The following SPATC1 variants were observed in gnomAD, a reference collection of about 807,000 sequenced individuals.
SPATC1 encodes spermatogenesis and centriole associated 1, also known as speriolin.
A neutral mutation model predicts 36.5 loss-of-function variants in SPATC1; 35 were observed. The observed-to-expected ratio is 0.96, with a 90% confidence interval of 0.73 to 1.27. The LOEUF (loss-of-function observed/expected upper bound fraction) is 1.27, where lower values mean the gene tolerates loss of function less well. Ranked by LOEUF, SPATC1 falls within the 50% of genes most tolerant of loss-of-function variation. The pLI is 0.00. For synonymous variants in SPATC1, 361 were observed against 353.6 expected (o/e 1.02, Z -0.24); for missense variants, 779 against 796.0 (o/e 0.98, Z 0.26).
chr8:144,038,559 C>T (rs1456987212), intron 1 of SPATC1, among the ~76,000 whole-genome samples: 1 of 151,998 alleles, frequency 6.6e-6, no homozygotes, highest in Admixed American at 6.6e-5. Flanking sequence ...ACTGCAGCCT[C>T]AACCTCCCGG....
chr8:144,043,923 A>G (rs2129677759), intron 4 of SPATC1, among the ~76,000 whole-genome samples: 1 of 152,262 alleles, frequency 6.6e-6, no homozygotes, highest in Admixed American at 6.5e-5. Flanking sequence ...CGGTGTGGAC[A>G]CGGTCACGTG....
chr8:144,045,784 T>C lies in SPATC1; in HGVS notation c.1447-843T>C, dbSNP rs1554756672. ...TGCAAAATGAAAATAATTCAAAACT[T>C]AGAACTTCAGGATGGTGCCAACAGC... On this transcript the variant is annotated intron_variant, in intron 4 of 4. Transcript: ENST00000377470. This position sits in a 1 kb window ranked among gnomAD's most constrained non-coding sequence, Gnocchi z 5.2. Among the ~76,000 whole-genome samples, 1 of 152,138 alleles carries C rather than the reference T, an allele frequency of 6.6e-6. No individual in the cohort carries two copies. Among genetic ancestry groups the C allele is most frequent in the African/African-American group, 2.4e-5 (1 of 41,434 alleles).
Position 144,040,807 on chromosome 8 carries a change from G to A in SPATC1, c.1006G>A (p.Ala336Thr). ...PTTSPTVTVL[A>T]SAPALAPQVA... is the part of the protein sequence containing the mutation. Reference sequence around the variant, plus strand: ...CACCTCCCCCACGGTCACCGTCCTTGCCTCTGCCCCCGCCCTTGCCCCCCA... The same window carrying A: ...CACCTCCCCCACGGTCACCGTCCTTACCTCTGCCCCCGCCCTTGCCCCCCA... The change falls in exon 3 of 5, where the codon GCC becomes ACC. Residue 336 changes from alanine (A) to threonine (T), a missense_variant. Physicochemically the swap from Ala to Thr is moderately conservative, Grantham distance 58. Coordinates refer to ENST00000377470, the MANE Select transcript of SPATC1 (RefSeq NM_198572.3). The A allele has an allele frequency of 6.8e-7, 1 of 1,477,286 alleles. No individual in the cohort carries two copies. Among genetic ancestry groups the A allele is most frequent in the African/African-American group, 1.8e-5 (1 of 56,056 alleles). The allele number at this position is 1,477,286 out of a possible 1,614,324, so 91.5% of individuals were successfully genotyped here.
At chr8:144,014,296 A>G (rs1175258739) in intron 1 of SPATC1, among the ~76,000 whole-genome samples, 1 of 150,682 alleles carries the variant, frequency 6.6e-6, no homozygotes, top group Non-Finnish European at 1.5e-5. Context: ...AGAGGAAGGA[A>G]GGAAGGATGG....
chr8:144,030,268 A>G (rs1489814801), intron 1 of SPATC1, among the ~76,000 whole-genome samples: 1 of 152,182 alleles, frequency 6.6e-6, no homozygotes, highest in Non-Finnish European at 1.5e-5. Flanking sequence ...CATTCTGCCA[A>G]TCTCTTACCT....
At chr8:144,015,299 C>T (rs1834362211) in intron 1 of SPATC1, among the ~76,000 whole-genome samples, 1 of 151,594 alleles carries the variant, frequency 6.6e-6, no homozygotes, top group African/African-American at 2.4e-5. Context: ...AATCTGTCCG[C>T]CTCAGCCTCA....
chr8:144,045,840 CT>C lies in SPATC1; in HGVS notation c.1447-786del, dbSNP rs1835244876. 2.6e-5 allele frequency among the ~76,000 whole-genome samples: 4 copies of C among 152,266 alleles called. No homozygotes were observed. Among genetic ancestry groups the C allele is most frequent in the Admixed American group, 2.6e-4 (4 of 15,290 alleles). ...GAGCTGGGCACTGGGCTTCCCACAA[CT>C]GCCCAGGTCACACATCCAGGGGGCA... On this transcript the variant is annotated intron_variant, in intron 4 of 4. Transcript: ENST00000377470. The surrounding 1 kb of genome is among the most constrained non-coding windows in gnomAD (Gnocchi z 5.2).
rs781820106 is a variant in SPATC1, at chr8:144,040,374, C to T, written c.677C>T (p.Ala226Val). 12 of 1,612,552 alleles carry T rather than the reference C, an allele frequency of 7.4e-6. No homozygotes were observed. Among genetic ancestry groups the T allele is most frequent in the Non-Finnish European group, 9.3e-6 (11 of 1,179,876 alleles). The change falls in exon 2 of 5, where the codon GCC (alanine) becomes GTC (valine). Residue 226 changes from alanine to valine, a missense_variant. Coordinates refer to ENST00000377470, the MANE Select transcript of SPATC1 (RefSeq NM_198572.3). ...NPMSNLVLPE[A>V]PRLRLAEPLR... Reference sequence around the variant, plus strand: ...ATGAGCAACCTGGTCCTGCCAGAGGCCCCAAGGCTGCGGCTGGCTGAGCCA... The same window carrying T: ...ATGAGCAACCTGGTCCTGCCAGAGGTCCCAAGGCTGCGGCTGGCTGAGCCA...
chr8:144,012,605 C>T lies in SPATC1; in HGVS notation c.90C>T (p.Leu30=). 1 of 1,551,734 alleles carries T rather than the reference C, an allele frequency of 6.4e-7. No homozygotes were observed. The highest frequency in any genetic ancestry group is 1.4e-5 in the African/African-American group (1 of 73,170). Residue 30 remains leucine, a synonymous_variant, in exon 1 of 5, where the codon CTC becomes CTT. Transcript: ENST00000377470. ...ENEELKKLVR[L]IRENHELKSA... ...AGGAACTGAAGAAGTTGGTGCGGCT[C>T]ATTCGGGAGAATCACGAGCTCAAGT... is the stretch of plus-strand genomic sequence containing the variant.
intron 1 of SPATC1, among the ~76,000 whole-genome samples, chr8:144,032,649 T>C (rs1834820444): frequency 6.6e-6 from 1 of 152,166 alleles, no homozygotes; most frequent in South Asian, 2.1e-4. Context: ...GAAATAAGAT[T>C]ATTCCTCCCT....
chr8:144,046,798 G>C lies in SPATC1; in HGVS notation c.1618G>C (p.Glu540Gln). ...NAYGILRERP[E>Q]LAASEGGPYT... is the part of the protein sequence containing the mutation. ...TTATGGCATCCTGCGAGAGCGCCCG[G>C]AGCTGGCGGCGTCTGAGGGCGGCCC... The change falls in exon 5 of 5, where the codon GAG becomes CAG. Residue 540 changes from glutamate to glutamine, a missense_variant. Coordinates refer to ENST00000377470, the MANE Select transcript of SPATC1 (RefSeq NM_198572.3). This position sits in a 1 kb window ranked among gnomAD's most constrained non-coding sequence, Gnocchi z 6.6. 1 of 1,607,648 alleles carries C rather than the reference G, an allele frequency of 6.2e-7. No homozygotes were observed. The highest frequency in any genetic ancestry group is 1.1e-5 in the South Asian group (1 of 91,080).
intron 1 of SPATC1, among the ~76,000 whole-genome samples, chr8:144,019,527 C>T (rs1834461378): frequency 6.6e-6 from 1 of 152,194 alleles, no homozygotes. Flanking sequence ...GCCCCGTGCA[C>T]GGGCAGGTGG....
chr8:144,039,391 G>A (rs376839567), intron 1 of SPATC1, among the ~76,000 whole-genome samples: 16 of 152,230 alleles, frequency 1.1e-4, no homozygotes, highest in Non-Finnish European at 2.2e-4. Context: ...CAAGGGTGCC[G>A]GGCCACGTGA....
chr8:144,021,241 TCCC>T, intron 1 of SPATC1, among the ~76,000 whole-genome samples: 2 of 142,908 alleles, frequency 1.4e-5, no homozygotes, highest in South Asian at 2.3e-4. Flanking sequence ...CAGGACCCTC[TCCC>T]CTCAGGACTC....
At chr8:144,036,620 G>C (rs1387071370) in intron 1 of SPATC1, among the ~76,000 whole-genome samples, 1 of 152,018 alleles carries the variant, frequency 6.6e-6, no homozygotes, top group Non-Finnish European at 1.5e-5. Flanking sequence ...CACCACACCC[G>C]GCCCAGAACT....
intron 3 of SPATC1, 31 bp downstream of exon 3, chr8:144,041,138 G>C (rs781970026): frequency 1.9e-5 from 30 of 1,583,612 alleles, no homozygotes; most frequent in Non-Finnish European, 2.6e-5. Context: ...CACGCGGGTC[G>C]GGCCCCCAGG....
intron 1 of SPATC1, among the ~76,000 whole-genome samples, chr8:144,031,715 C>CTTTTTTTTTTTT (rs1834800066): frequency 1.4e-5 from 2 of 140,062 alleles, no homozygotes; most frequent in African/African-American, 2.7e-5. Context: ...CTTTTTTTTT[C>CTTTTTTTTTTTT]TTTCTTTCTT....
chr8:144,035,655 G>C (rs1834884093), intron 1 of SPATC1, among the ~76,000 whole-genome samples: 1 of 152,232 alleles, frequency 6.6e-6, no homozygotes, highest in African/African-American at 2.4e-5. Flanking sequence ...GGCCTGTCCA[G>C]TGCTGTGCCC....
Position 144,012,677 on chromosome 8 carries a change from G to T in SPATC1, c.162G>T (p.Thr54=), listed in dbSNP as rs782512612. The part of the protein sequence containing the change: ...QAGGLGISGF[T]SGLGEATAGL... ...GCGGGCTCGGCATCAGCGGGTTCACGAGTGGGCTTGGTGAGGCAACAGCAG... is the reference window on the plus strand; with the variant it reads ...GCGGGCTCGGCATCAGCGGGTTCACTAGTGGGCTTGGTGAGGCAACAGCAG... The change falls in exon 1 of 5, where the codon ACG becomes ACT. Residue 54 remains threonine (T), a synonymous_variant. Coordinates refer to ENST00000377470, the MANE Select transcript of SPATC1 (RefSeq NM_198572.3). The T allele has an allele frequency of 3.2e-6, 5 of 1,551,604 alleles. No individual in the cohort carries two copies. The highest frequency in any genetic ancestry group is 2.7e-5 in the African/African-American group (2 of 73,034).
Sources: gnomAD v4.1 joint callset for allele counts (sites outside exome capture counted in the v4.1 genomes callset) on GRCh38, gnomAD v4.1.1 for gene constraint, Gnocchi (gnomAD v3.1) non-coding constraint, MANE v1.5 for transcripts, NCBI Gene and HGNC (gene_info 2026-07-23, HGNC 2026-07-21) for gene names.